Variants in RASA3 observed in about 807,000 individuals in gnomAD.
The protein encoded by RASA3 is ras GTPase-activating protein 3.
Under a neutral mutation model 110.0 loss-of-function variants are expected in RASA3, and 73 were observed. That is an observed-to-expected ratio of 0.66 (90% CI 0.55 to 0.81). The LOEUF is 0.81. Ranked by LOEUF, RASA3 falls within the 30% of genes least tolerant of loss-of-function variation. The pLI, the probability that RASA3 is intolerant of heterozygous loss-of-function variation, is 0.00. For synonymous variants in RASA3, 500 were observed against 451.4 expected (o/e 1.11, Z -1.37); for missense variants, 976 against 1,113.2 (o/e 0.88, Z 1.75).
At chr13:114,008,633 T>C (rs12858951) in intron 17 of RASA3, among the ~76,000 whole-genome samples, 40 of 7,646 alleles carry the variant, frequency 5.2e-3, no homozygotes, top group East Asian at 0.049. Flanking sequence ...CGTTCCTGAC[T>C]GTGGGGAGGA....
At chr13:114,131,592 G>A (rs1182889567) in intron 1 of RASA3, among the ~76,000 whole-genome samples, 1 of 152,154 alleles carries the variant, frequency 6.6e-6, no homozygotes, top group African/African-American at 2.4e-5. Flanking sequence ...CCGCAGCCTC[G>A]CAGGCCCTGG....
chr13:114,041,148 C>T (rs759040467), intron 3 of RASA3, 54 bp from the exon 4 acceptor site: 103 of 1,470,330 alleles, frequency 7.0e-5, no homozygotes, highest in Non-Finnish European at 9.2e-5. Context: ...AGAGCCAGGA[C>T]GCCTGTGAGC....
chr13:113,990,646 G>T (rs151014558), intron 22 of RASA3, among the ~76,000 whole-genome samples: 65 of 152,316 alleles, frequency 4.3e-4, no homozygotes, highest in Non-Finnish European at 7.2e-4. Context: ...ACAGCACCTC[G>T]CACACTTGCT....
At chr13:113,980,155 ACACCTCCTCCCACGTGTGTG>A (rs1230539848) in intron 23 of RASA3, among the ~76,000 whole-genome samples, 43 of 104,948 alleles carry the variant, frequency 4.1e-4, no homozygotes, top group East Asian at 1.5e-3. Flanking sequence ...ACGTGTGTGC[ACACCTCCTCCCACGTGTGTG>A]CACCTCCTCC....
intron 1 of RASA3, among the ~76,000 whole-genome samples, chr13:114,124,865 G>A (rs549997530): frequency 4.6e-5 from 7 of 152,310 alleles, no homozygotes; most frequent in South Asian, 4.1e-4. Flanking sequence ...TCTAAGCTCC[G>A]CCTTTGTTCT....
intron 20 of RASA3, among the ~76,000 whole-genome samples, chr13:113,997,946 C>G (rs1334740545): frequency 2.6e-5 from 4 of 152,184 alleles, no homozygotes; most frequent in Non-Finnish European, 1.5e-5. Flanking sequence ...TGTGATCCCC[C>G]ATGGAGGGCG....
At position 114,079,827 on chromosome 13, in the gene RASA3, G is replaced by A. The variant is rs572844797; in HGVS notation, c.56-5990C>T. Among the ~76,000 whole-genome samples the A allele has an allele frequency of 7.9e-5, 12 of 152,178 alleles. No homozygotes were observed. The South Asian group carries it at 8.3e-4, about 11-fold the overall frequency. On this transcript the variant is annotated intron_variant, in intron 1 of 23. Transcript: ENST00000334062. ...TCTGAGTGGGCCTGAGTGCCCGTCC[G>A]CACTGGCCTCCCCACCCGGCACCCT...
chr13:114,052,152 C>A lies in RASA3; in HGVS notation c.177G>T (p.Pro59=). Residue 59 remains proline (P), a synonymous_variant, in exon 3 of 24, where the codon CCG becomes CCT. Coordinates refer to ENST00000334062, the MANE Select transcript of RASA3 (RefSeq NM_007368.4). The part of the protein sequence containing the change: ...RTKIVEKSLC[P]FYGEDFYCEI... Reference sequence around the variant, plus strand: ...CACAGTAAAAGTCTTCTCCGTAAAACGGGCTAGTGAGACAAAGAAAAGCGC... The same window carrying A: ...CACAGTAAAAGTCTTCTCCGTAAAAAGGGCTAGTGAGACAAAGAAAAGCGC... 6.2e-7 allele frequency: 1 copy of A among 1,609,854 alleles called. No individual in the cohort carries two copies. The highest frequency in any genetic ancestry group is 1.7e-4 in the Middle Eastern group (1 of 6,044).
intron 4 of RASA3, among the ~76,000 whole-genome samples, chr13:114,039,743 G>A (rs947452345): frequency 5.3e-5 from 8 of 152,240 alleles, no homozygotes; most frequent in Admixed American, 2.0e-4. Flanking sequence ...GCTGGGCACC[G>A]TGCGTCCGTG....
At chr13:114,055,450 C>CGGACAG (rs1373256106) in intron 2 of RASA3, among the ~76,000 whole-genome samples, 1 of 152,222 alleles carries the variant, frequency 6.6e-6, no homozygotes, top group African/African-American at 2.4e-5. Context: ...TGGTGCTCTG[C>CGGACAG]GGACAGCGTC....
In RASA3 at chr13:114,109,503, T is replaced by G. The variant is rs561892306; in HGVS notation, c.55+22932A>C. Among the ~76,000 whole-genome samples the G allele has an allele frequency of 8.3e-4, 127 of 152,282 alleles. No individual in the cohort carries two copies. The Middle Eastern group carries it at 0.01, about 12-fold the overall frequency. The stretch of plus-strand genomic sequence containing the variant: ...AGTGAGAAAAACACCGACCAACATT[T>G]ACTCAGCACCTACGGTGGGCTGCGG... On this transcript the variant is annotated intron_variant, in intron 1 of 23. Coordinates refer to ENST00000334062, the MANE Select transcript of RASA3 (RefSeq NM_007368.4).
chr13:114,097,993 C>T (rs998210357), intron 1 of RASA3, among the ~76,000 whole-genome samples: 1 of 152,180 alleles, frequency 6.6e-6, no homozygotes, highest in African/African-American at 2.4e-5. Context: ...AAAGCGGGCC[C>T]AGATGGAGAC....
chr13:114,041,399 G>A (rs1225133449), intron 3 of RASA3, among the ~76,000 whole-genome samples: 1 of 152,268 alleles, frequency 6.6e-6, no homozygotes, highest in Non-Finnish European at 1.5e-5. Flanking sequence ...ATAATCAGGT[G>A]CAGCGGTAAG....
In RASA3 at chr13:114,112,515, C is replaced by G. The variant is rs138549598; in HGVS notation, c.55+19920G>C. Among the ~76,000 whole-genome samples the G allele has an allele frequency of 9.1e-4, 138 of 152,288 alleles. No homozygotes were observed. Among genetic ancestry groups the G allele is most frequent in the Non-Finnish European group, 1.7e-3 (115 of 68,018 alleles). On this transcript the variant is annotated intron_variant, in intron 1 of 23. Transcript: ENST00000334062. This position sits in a 1 kb window ranked among gnomAD's most constrained non-coding sequence, Gnocchi z 4.8. Reference sequence around the variant, plus strand: ...CTCTGCAGGGCCGGTGGAAAGAGATCGCCAGCCCCAGCTCTGTAGGGGTGC... The same window carrying G: ...CTCTGCAGGGCCGGTGGAAAGAGATGGCCAGCCCCAGCTCTGTAGGGGTGC...
chr13:113,990,077 A>C lies in RASA3; in HGVS notation c.2245+2408T>G, dbSNP rs551900237. On this transcript the variant is annotated intron_variant, in intron 22 of 23. Transcript: ENST00000334062. Reference sequence around the variant, plus strand: ...TTGGACGTGTGTGGCATCTACCCCCATCTCTCTCTCTTGCTCCTGCATGTA... The same window carrying C: ...TTGGACGTGTGTGGCATCTACCCCCCTCTCTCTCTCTTGCTCCTGCATGTA... Among the ~76,000 whole-genome samples the C allele has an allele frequency of 5.9e-4, 89 of 151,892 alleles. 2 individuals carry two copies. Among genetic ancestry groups the C allele is most frequent in the African/African-American group, 2.1e-3 (87 of 41,396 alleles).
chr13:114,048,494 G>A lies in RASA3; in HGVS notation c.277+3558C>T, dbSNP rs1022473027. 6.6e-5 allele frequency among the ~76,000 whole-genome samples: 10 copies of A among 152,272 alleles called. No homozygotes were observed. The highest frequency in any genetic ancestry group is 3.4e-3 in the Middle Eastern group (1 of 294). ...GGAAAAGGAGGGAGGCGCCAGGATCGGGGGCGGAGACCCCAATGCTCCTGA... is the reference window on the plus strand; with the variant it reads ...GGAAAAGGAGGGAGGCGCCAGGATCAGGGGCGGAGACCCCAATGCTCCTGA... On this transcript the variant is annotated intron_variant, in intron 3 of 23. Coordinates refer to ENST00000334062, the MANE Select transcript of RASA3 (RefSeq NM_007368.4). The surrounding 1 kb of genome is among the most constrained non-coding windows in gnomAD (Gnocchi z 4.3).
At chr13:114,013,410 CCTCT>C (rs765044058) in intron 14 of RASA3, among the ~76,000 whole-genome samples, 162 bp from the exon 15 acceptor site, 2 of 127,046 alleles carry the variant, frequency 1.6e-5, no homozygotes, top group South Asian at 2.6e-4. Context: ...TCCCTCTCTC[CCTCT>C]CTCTGTTTCC....
chr13:114,039,895 G>A (rs1458372572), intron 4 of RASA3, among the ~76,000 whole-genome samples: 1 of 152,218 alleles, frequency 6.6e-6, no homozygotes, highest in Admixed American at 6.5e-5. Flanking sequence ...AAGCCAGGGT[G>A]AGCCCCTGGC....
chr13:114,075,517 G>A (rs1053100763), intron 1 of RASA3, among the ~76,000 whole-genome samples: 1 of 118,392 alleles, frequency 8.4e-6, no homozygotes, highest in Non-Finnish European at 1.8e-5. Context: ...TGTCGGCGCC[G>A]CGTATCTCTG....
Sources: allele counts gnomAD v4.1 joint callset (sites outside exome capture counted in the v4.1 genomes callset), GRCh38; gene constraint gnomAD v4.1.1; non-coding constraint Gnocchi (gnomAD v3.1); transcripts MANE v1.5; gene names NCBI Gene and HGNC (gene_info 2026-07-23, HGNC 2026-07-21).